The following EPSTI1 variants were observed in gnomAD, a reference collection of about 807,000 sequenced individuals.
EPSTI1 encodes epithelial stromal interaction 1.
EPSTI1 carries 66 observed loss-of-function variants against 49.9 expected under a neutral mutation model. The ratio of observed to expected loss-of-function variants is 1.32; its 90% CI spans 1.08 to 1.62. The LOEUF is 1.62. EPSTI1 is among the 40% of genes most tolerant of loss of function. The pLI is 0.00. For missense variants in EPSTI1, 394 were observed against 365.5 expected, an observed-to-expected ratio of 1.08 and a Z score of -0.64; for synonymous variants, 137 against 130.7, an observed-to-expected ratio of 1.05 and a Z score of -0.33.
At chr13:42,889,769 G>A (rs532674563) in intron 10 of EPSTI1, among the ~76,000 whole-genome samples, 2 of 152,184 alleles carry the variant, frequency 1.3e-5, no homozygotes, top group African/African-American at 4.8e-5. Flanking sequence ...ATGAACAGAT[G>A]TTTTAAAATT....
Position 42,888,224 on chromosome 13 carries a change from C to G in EPSTI1, c.*270G>C, listed in dbSNP as rs772337387. 18 of 1,610,536 alleles carry G rather than the reference C, an allele frequency of 1.1e-5. No individual in the cohort carries two copies. Among genetic ancestry groups the G allele is most frequent in the Non-Finnish European group, 1.4e-5 (17 of 1,177,616 alleles). On this transcript the variant is annotated 3_prime_UTR_variant, in exon 11 of 11. Coordinates refer to ENST00000313624, the MANE Select transcript of EPSTI1 (RefSeq NM_033255.5). ...GTGACTCCCTCTTTTTCTACCCTACCAACATCACTCTAATTATACTTCCAA... is the reference window on the plus strand; with the variant it reads ...GTGACTCCCTCTTTTTCTACCCTACGAACATCACTCTAATTATACTTCCAA...
intron 1 of EPSTI1, among the ~76,000 whole-genome samples, chr13:42,978,183 G>C (rs2039917848): frequency 1.3e-5 from 2 of 151,906 alleles, no homozygotes; most frequent in Non-Finnish European, 2.9e-5. Flanking sequence ...ATTTTGCCAA[G>C]GTTGAGGACG....
In EPSTI1 at chr13:42,888,172, TAGCTCTGATTAACCTGAA is replaced by T; in HGVS notation, c.*304_*321del. 6.6e-7 allele frequency: 1 copy of T among 1,517,284 alleles called. No homozygotes were observed. The highest frequency in any genetic ancestry group is 9.0e-7 in the Non-Finnish European group (1 of 1,111,950). The allele number at this position is 1,517,284 out of a possible 1,614,324, so 94.0% of individuals were successfully genotyped here. A position where few individuals can be genotyped will look rare whatever the true frequency, so the allele number is the denominator to read the frequency against. ...TAGAAAGACAAGCCTGTAGCACCCATAGCTCTGATTAACCTGAAAGCATCAAGTGACTCCCTCTTTTTC... is the reference window on the plus strand; with the variant it reads ...TAGAAAGACAAGCCTGTAGCACCCATAGCATCAAGTGACTCCCTCTTTTTC... On this transcript the variant is annotated 3_prime_UTR_variant, in exon 11 of 11. Transcript: ENST00000313624.
chr13:42,903,885 C>T lies in EPSTI1; in HGVS notation c.742-3502G>A, dbSNP rs192403518. On this transcript the variant is annotated intron_variant, in intron 8 of 10. Coordinates refer to ENST00000313624, the MANE Select transcript of EPSTI1 (RefSeq NM_033255.5). Reference sequence around the variant, plus strand: ...AGAAAAAGATTAATAAATTTAGCTGCATGAAAATTCAAACTTTTCATTTGG... The same window carrying T: ...AGAAAAAGATTAATAAATTTAGCTGTATGAAAATTCAAACTTTTCATTTGG... Among the ~76,000 whole-genome samples the T allele has an allele frequency of 3.3e-5, 5 of 152,230 alleles. No homozygotes were observed. In the East Asian group the frequency reaches 7.7e-4, roughly 23 times the overall value.
chr13:42,897,122 A>G (rs1164063800), intron 9 of EPSTI1, among the ~76,000 whole-genome samples: 1 of 144,986 alleles, frequency 6.9e-6, no homozygotes. Context: ...AAAAAATCCC[A>G]TCACTTGGGA....
chr13:42,931,371 A>C (rs2038365783), intron 6 of EPSTI1, among the ~76,000 whole-genome samples: 1 of 149,218 alleles, frequency 6.7e-6, no homozygotes, highest in Non-Finnish European at 1.5e-5. Context: ...GCGCCCGGCT[A>C]ATTTTTTGTA....
intron 1 of EPSTI1, among the ~76,000 whole-genome samples, chr13:42,973,110 CTT>C (rs1297496052): frequency 7.9e-5 from 12 of 152,216 alleles, no homozygotes; most frequent in Admixed American, 7.8e-4. Context: ...ATGAGTCTCT[CTT>C]ACGGAAATTT....
intron 6 of EPSTI1, among the ~76,000 whole-genome samples, chr13:42,929,104 A>G (rs2038278476): frequency 6.6e-6 from 1 of 152,244 alleles, no homozygotes; most frequent in Non-Finnish European, 1.5e-5. Flanking sequence ...TTGCCAAGTG[A>G]GAAGAGCAGC....
chr13:42,933,572 T>A (rs1033325994), intron 6 of EPSTI1, among the ~76,000 whole-genome samples: 3 of 152,216 alleles, frequency 2.0e-5, no homozygotes, highest in Admixed American at 2.0e-4. Context: ...CTCTTTGCCA[T>A]TGTCATCCTT....
chr13:42,957,111 C>T (rs1171972189), intron 5 of EPSTI1, among the ~76,000 whole-genome samples: 2 of 152,074 alleles, frequency 1.3e-5, no homozygotes, highest in African/African-American at 4.8e-5. Context: ...AAAGGACAGT[C>T]TTCAGAAAAA....
intron 6 of EPSTI1, among the ~76,000 whole-genome samples, chr13:42,949,591 CAAAA>C (rs199737689): frequency 2.5e-5 from 2 of 80,198 alleles, no homozygotes; most frequent in African/African-American, 4.0e-5. Flanking sequence ...GACTCCATGT[CAAAA>C]AAAAAAAAAA....
At chr13:42,942,594 G>GTCTC (rs2038787921) in intron 6 of EPSTI1, among the ~76,000 whole-genome samples, 1 of 144,730 alleles carries the variant, frequency 6.9e-6, no homozygotes. Context: ...TCATATCCCT[G>GTCTC]TCTCTTCCTT....
Position 42,922,424 on chromosome 13 carries a change from G to T in EPSTI1, c.657+3912C>A, listed in dbSNP as rs2038033695. ...CAGAAAGGTCAGGGAGGGTGCAGAAGGTTGGGTGAGATGGAAGCTAAACTG... is the reference window on the plus strand; with the variant it reads ...CAGAAAGGTCAGGGAGGGTGCAGAATGTTGGGTGAGATGGAAGCTAAACTG... On this transcript the variant is annotated intron_variant, in intron 7 of 10. Coordinates refer to ENST00000313624, the MANE Select transcript of EPSTI1 (RefSeq NM_033255.5). The surrounding 1 kb of genome is among the most constrained non-coding windows in gnomAD (Gnocchi z 4.8). Among the ~76,000 whole-genome samples, 1 of 152,172 alleles carries T rather than the reference G, an allele frequency of 6.6e-6. No homozygotes were observed. Among genetic ancestry groups the T allele is most frequent in the Admixed American group, 6.5e-5 (1 of 15,288 alleles).
chr13:42,973,226 C>T (rs983527999), intron 1 of EPSTI1, among the ~76,000 whole-genome samples: 1 of 152,132 alleles, frequency 6.6e-6, no homozygotes, highest in Non-Finnish European at 1.5e-5. Flanking sequence ...TAGAATCTTC[C>T]ATCTTAAGAA....
intron 5 of EPSTI1, among the ~76,000 whole-genome samples, chr13:42,960,479 C>T (rs1222827152): frequency 6.6e-6 from 1 of 152,134 alleles, no homozygotes; most frequent in Non-Finnish European, 1.5e-5. Context: ...GTCTTAGAGA[C>T]GTTGTCTCTG....
At chr13:42,969,839 C>T (rs533618714) in intron 2 of EPSTI1, 6 of 152,350 alleles carry the variant, frequency 3.9e-5, no homozygotes, top group African/African-American at 1.4e-4. Context: ...TTTCAAATGT[C>T]CATTACTAGA....
chr13:42,939,855 C>T (rs1594688853), intron 6 of EPSTI1, among the ~76,000 whole-genome samples: 1 of 152,124 alleles, frequency 6.6e-6, no homozygotes, highest in Admixed American at 6.5e-5. Flanking sequence ...CTGTGAGGTG[C>T]AATAAAGCAA....
intron 6 of EPSTI1, among the ~76,000 whole-genome samples, chr13:42,930,151 T>C (rs1016159303): frequency 6.6e-6 from 1 of 152,232 alleles, no homozygotes; most frequent in Non-Finnish European, 1.5e-5. Flanking sequence ...ATTCATGTTA[T>C]ACAACACATT....
At chr13:42,955,885 G>C (rs997202077) in intron 5 of EPSTI1, among the ~76,000 whole-genome samples, 1 of 142,774 alleles carries the variant, frequency 7.0e-6, no homozygotes, top group Non-Finnish European at 1.5e-5. Flanking sequence ...TTTGGGGGGG[G>C]GGGGAAGTAG....
Sources: allele counts gnomAD v4.1 joint callset (sites outside exome capture counted in the v4.1 genomes callset), GRCh38; gene constraint gnomAD v4.1.1; non-coding constraint Gnocchi (gnomAD v3.1); transcripts MANE v1.5; gene names NCBI Gene and HGNC (gene_info 2026-07-23, HGNC 2026-07-21).